OSBPL10: variants seen among roughly 807,000 people sequenced by gnomAD.
OSBPL10 encodes oxysterol binding protein like 10, also known as oxysterol-binding protein-related protein 10.
A neutral mutation model predicts 81.7 loss-of-function variants in OSBPL10; 49 were observed. The observed-to-expected ratio is 0.60, with a 90% CI of 0.48 to 0.76. OSBPL10 has a LOEUF of 0.76. Among genes scored for constraint, OSBPL10 ranks in the 30% least tolerant of loss-of-function variants. The pLI is 0.00. For missense variants in OSBPL10, 923 were observed against 987.8 expected (o/e 0.93, Z 0.88); for synonymous variants, 419 against 383.6 (o/e 1.09, Z -1.08).
At chr3:31,930,617 A>G (rs558098639) in intron 1 of OSBPL10, among the ~76,000 whole-genome samples, 1 of 152,320 alleles carries the variant, frequency 6.6e-6, no homozygotes, top group South Asian at 2.1e-4. Flanking sequence ...TACAAGGTAC[A>G]CTATGTAGTC....
intron 4 of OSBPL10, among the ~76,000 whole-genome samples, chr3:31,785,672 T>C (rs907438381): frequency 2.6e-5 from 4 of 152,052 alleles, no homozygotes; most frequent in African/African-American, 9.7e-5. Context: ...ATGAAGAGAC[T>C]GAACTAGATT....
chr3:32,000,816 A>T (rs1389756569), intron 2 of OSBPL10, among the ~76,000 whole-genome samples: 2 of 152,174 alleles, frequency 1.3e-5, no homozygotes, highest in Non-Finnish European at 2.9e-5. Context: ...GACTCCGGCC[A>T]TGCGGTTCAC....
At chr3:31,917,477 A>G (rs539016735) in intron 1 of OSBPL10, among the ~76,000 whole-genome samples, 1 of 152,032 alleles carries the variant, frequency 6.6e-6, no homozygotes, top group South Asian at 2.1e-4. Flanking sequence ...ACCTATGCAA[A>G]TAGGTAACCC....
chr3:32,023,719 C>T, intron 2 of OSBPL10, among the ~76,000 whole-genome samples: 1 of 152,174 alleles, frequency 6.6e-6, no homozygotes, highest in East Asian at 1.9e-4. Context: ...CATTGCCTTA[C>T]AATAGTTTCT....
At chr3:31,746,773 T>C (rs1697535662) in intron 5 of OSBPL10, among the ~76,000 whole-genome samples, 1 of 122,954 alleles carries the variant, frequency 8.1e-6, no homozygotes, top group African/African-American at 3.2e-5. Context: ...AATTGAACAA[T>C]GAGAACACAT....
intron 2 of OSBPL10, among the ~76,000 whole-genome samples, chr3:32,027,564 A>G (rs1699428175): frequency 6.6e-6 from 1 of 152,226 alleles, no homozygotes; most frequent in African/African-American, 2.4e-5. Flanking sequence ...AACTTTTCCA[A>G]TTATTTTTCA....
chr3:31,882,618 G>A (rs542603171), intron 1 of OSBPL10, among the ~76,000 whole-genome samples: 10 of 152,326 alleles, frequency 6.6e-5, no homozygotes, highest in African/African-American at 1.9e-4. Flanking sequence ...CACTTAGGGT[G>A]TGGCTTTTTG....
chr3:31,825,146 T>C (rs1700070094), intron 4 of OSBPL10, among the ~76,000 whole-genome samples: 1 of 152,086 alleles, frequency 6.6e-6, no homozygotes, highest in Non-Finnish European at 1.5e-5. Flanking sequence ...GGGGATTTTT[T>C]TGTTTGCTTT....
intron 3 of OSBPL10, among the ~76,000 whole-genome samples, chr3:31,861,062 T>C (rs531741030): frequency 1.3e-5 from 2 of 152,332 alleles, no homozygotes; most frequent in African/African-American, 4.8e-5. Flanking sequence ...TGCTCTAACC[T>C]ACACTATGGA....
At chr3:32,010,550 T>A (rs1268060609) in intron 2 of OSBPL10, among the ~76,000 whole-genome samples, 3 of 152,170 alleles carry the variant, frequency 2.0e-5, no homozygotes, top group Admixed American at 1.3e-4. Context: ...CATTTCCAAC[T>A]GAGGTACTGG....
intron 5 of OSBPL10, 55 bp from the exon 6 acceptor site, chr3:31,733,466 C>G: frequency 6.2e-7 from 1 of 1,605,222 alleles, no homozygotes; most frequent in Non-Finnish European, 8.5e-7. Context: ...ACATTTATAG[C>G]TCATGAAATA....
rs1445290496 is a variant in OSBPL10 at position 31,879,684 on chromosome 3, G to C, written c.428C>G (p.Ser143Cys). Residue 143 changes from serine to cysteine, a missense_variant, in exon 2 of 12, where the codon TCT (serine) becomes TGT (cysteine). Transcript: ENST00000396556. ...CAGTTTAAACATCTCTCCATTAGCA[G>C]AGTACACCACCAGCATGTGGGGAGC... ...DEAPHMLVVYSANGEMFKLRA... is the reference protein window; with the variant it reads ...DEAPHMLVVYCANGEMFKLRA... 2 of 1,613,864 alleles carry C rather than the reference G, an allele frequency of 1.2e-6. No individual in the cohort carries two copies. Among genetic ancestry groups the C allele is most frequent in the East Asian group, 4.5e-5 (2 of 44,894 alleles).
intron 1 of OSBPL10, among the ~76,000 whole-genome samples, chr3:31,926,609 T>C (rs1378678352): frequency 6.6e-6 from 1 of 151,822 alleles, no homozygotes; most frequent in East Asian, 1.9e-4. Context: ...ACTTCAGGAG[T>C]TGGTGTAACA....
At chr3:31,774,162 CAAA>C (rs550791243) in intron 4 of OSBPL10, among the ~76,000 whole-genome samples, 8 of 81,436 alleles carry the variant, frequency 9.8e-5, no homozygotes, top group Admixed American at 1.4e-4. Context: ...AACTCCATCT[CAAA>C]AAAAAAAAAA....
rs746590942 is a variant in OSBPL10 at position 31,670,750 on chromosome 3, G to C, written c.1913+47C>G. The stretch of plus-strand genomic sequence containing the variant: ...TCTTCTAATGGTGAAAGGAAACTCA[G>C]GGCATCTTGTTAAGACAAAGCCAGA... On this transcript the variant is annotated intron_variant, in intron 9 of 11. Coordinates refer to ENST00000396556, the MANE Select transcript of OSBPL10 (RefSeq NM_017784.5). 4.5e-6 allele frequency: 7 copies of C among 1,539,216 alleles called. No homozygotes were observed. The African/African-American group carries it at 8.2e-5, about 18-fold the overall frequency.
At chr3:31,759,593 A>G (rs1697974176) in intron 4 of OSBPL10, among the ~76,000 whole-genome samples, 1 of 152,136 alleles carries the variant, frequency 6.6e-6, no homozygotes, top group South Asian at 2.1e-4. Context: ...CCAACCCTTA[A>G]ACAACTTGAG....
Position 31,733,281 on chromosome 3 carries a change from T to C in OSBPL10, c.1071A>G (p.Glu357=). The C allele has an allele frequency of 6.2e-7, 1 of 1,613,230 alleles. No homozygotes were observed. Among genetic ancestry groups the C allele is most frequent in the South Asian group, 1.1e-5 (1 of 90,774 alleles). The change falls in exon 6 of 12, where the codon GAA becomes GAG. Residue 357 remains glutamate (E), a synonymous_variant. Coordinates refer to ENST00000396556, the MANE Select transcript of OSBPL10 (RefSeq NM_017784.5). ...CCTCTGGCTCTGGCTGTGAGGTTTG[T>C]TCGTCTTCAGCAGAGTTTGGTAAAA... ...WAILPNSAED[E]QTSQPEPEPN... is the part of the protein sequence containing the mutation.
At position 32,064,575 on chromosome 3, in the gene OSBPL10, G is replaced by GAA. The variant is rs113701739; in HGVS notation, n.185+12819_185+12820dup. Among the ~76,000 whole-genome samples the GAA allele has an allele frequency of 2.2e-5, 2 of 89,948 alleles. 1 individual carries two copies. The highest frequency in any genetic ancestry group is 8.6e-4 in the South Asian group (2 of 2,320). The allele number at this position is 89,948 out of a possible 152,430, so 59.0% of individuals were successfully genotyped here. On this transcript the variant is annotated intron_variant and non_coding_transcript_variant, in intron 1 of 3. Transcript: ENST00000479173. ...CAAAAGAGAATCTCAAGTTTTTAAA[G>GAA]AAAAAAAAAGATGAATCAGGAGAGG...
chr3:31,935,164 T>C (rs1374517272), intron 1 of OSBPL10, among the ~76,000 whole-genome samples: 3 of 152,184 alleles, frequency 2.0e-5, no homozygotes, highest in Non-Finnish European at 4.4e-5. Flanking sequence ...CTTCTACTTA[T>C]ATTTCACTGG....
Sources: allele counts gnomAD v4.1 joint callset (sites outside exome capture counted in the v4.1 genomes callset), GRCh38; gene constraint gnomAD v4.1.1; transcripts MANE v1.5; gene names NCBI Gene and HGNC (gene_info 2026-07-23, HGNC 2026-07-21).